Variants in RP1 observed in about 807,000 individuals in gnomAD.
RP1 encodes the protein oxygen-regulated protein 1.
RP1 carries 16 observed loss-of-function variants against 14.8 expected under a neutral mutation model. The ratio of observed to expected loss-of-function variants is 1.08; its 90% CI spans 0.73 to 1.65. RP1 has a LOEUF of 1.65. Ranked by LOEUF, RP1 falls within the 40% of genes most tolerant of loss-of-function variation. The pLI is 0.00. For synonymous variants in RP1, 876 were observed against 883.6 expected (o/e 0.99, Z 0.15); for missense variants, 2,631 against 2,535.0 (o/e 1.04, Z -0.81).
intron 5 of RP1, among the ~76,000 whole-genome samples, chr8:54,653,143 C>A (rs1806690021): frequency 6.6e-6 from 1 of 152,078 alleles, no homozygotes; most frequent in African/African-American, 2.4e-5. Flanking sequence ...AGTTGCACTG[C>A]TGATAAAAAG....
At chr8:54,685,766 T>C (rs1374823835) in intron 12 of RP1, among the ~76,000 whole-genome samples, 2 of 152,200 alleles carry the variant, frequency 1.3e-5, no homozygotes, top group African/African-American at 2.4e-5. Flanking sequence ...GCCAAAAGAC[T>C]GGACACCCCT....
At chr8:54,726,646 T>G (rs1808662278) in intron 17 of RP1, among the ~76,000 whole-genome samples, 2 of 152,026 alleles carry the variant, frequency 1.3e-5, no homozygotes, top group African/African-American at 4.8e-5. Context: ...TTTTATATTA[T>G]AAAGAATACA....
chr8:54,868,326 T>G (rs1812503540), intron 28 of RP1, among the ~76,000 whole-genome samples: 1 of 152,218 alleles, frequency 6.6e-6, no homozygotes, highest in Admixed American at 6.5e-5. Context: ...TATGGAATGA[T>G]ATGCACACTG....
chr8:54,578,720 T>C (rs2129295631), intron 1 of RP1, among the ~76,000 whole-genome samples: 1 of 152,330 alleles, frequency 6.6e-6, no homozygotes, highest in South Asian at 2.1e-4. Flanking sequence ...CTGTGTTCTT[T>C]TGTTTAGTTA....
chr8:54,582,852 A>G (rs1285323428), intron 1 of RP1, among the ~76,000 whole-genome samples: 4 of 152,288 alleles, frequency 2.6e-5, no homozygotes, highest in Non-Finnish European at 4.4e-5. Context: ...TTGATTTTGT[A>G]TCCTGAGACT....
At chr8:54,838,185 G>A (rs543359092) in intron 25 of RP1, among the ~76,000 whole-genome samples, 3 of 152,332 alleles carry the variant, frequency 2.0e-5, no homozygotes, top group African/African-American at 7.2e-5. Context: ...TACCCATTTA[G>A]ATGTGACTTT....
At chr8:54,783,932 CA>C (rs750842179) in intron 24 of RP1, among the ~76,000 whole-genome samples, 44 of 152,068 alleles carry the variant, frequency 2.9e-4, no homozygotes, top group Middle Eastern at 3.4e-3. Context: ...TGTATAAAGG[CA>C]AAAAACTACA....
intron 16 of RP1, among the ~76,000 whole-genome samples, chr8:54,725,482 T>C (rs1223737825): frequency 2.0e-5 from 3 of 152,186 alleles, no homozygotes; most frequent in Admixed American, 2.0e-4. Flanking sequence ...GCCACCAGTA[T>C]TGTATAGTCT....
intron 24 of RP1, among the ~76,000 whole-genome samples, chr8:54,797,391 T>C (rs1166828181): frequency 6.6e-6 from 1 of 152,128 alleles, no homozygotes; most frequent in Non-Finnish European, 1.5e-5. Flanking sequence ...GAAATGTGAA[T>C]TTGTTCCAAC....
At position 54,831,469 on chromosome 8, in the gene RP1, TG is replaced by T. The variant is rs199793002; in HGVS notation, c.3616-5980del. ...TGGCTTATTACCTGTGCCTGTTTTT[TG>T]TTTTTGGTGGTTTTTGTACACATTA... On this transcript the variant is annotated intron_variant, in intron 24 of 28. Transcript: ENST00000637698. 7.3e-3 allele frequency among the ~76,000 whole-genome samples: 1,100 copies of T among 150,542 alleles called. 22 individuals carry two copies. The highest frequency in any genetic ancestry group is 0.025 in the African/African-American group (1,037 of 41,164).
intron 25 of RP1, among the ~76,000 whole-genome samples, chr8:54,845,944 A>T (rs1391460): frequency 0.3 from 45,083 of 152,098 alleles, 6,962 homozygotes; most frequent in South Asian, 0.37. Context: ...CACATATAGA[A>T]GTCTGATAGG....
chr8:54,710,660 C>A (rs1366370039), intron 15 of RP1, among the ~76,000 whole-genome samples: 2 of 152,108 alleles, frequency 1.3e-5, no homozygotes, highest in Non-Finnish European at 2.9e-5. Context: ...TCGCTGTCAG[C>A]GGAGAGGGGA....
intron 1 of RP1, chr8:54,560,730 A>G (rs2129289800): frequency 6.6e-6 from 1 of 152,080 alleles, no homozygotes; most frequent in East Asian, 1.9e-4. Context: ...GTAAGGCCAC[A>G]ACACACAGTG....
intron 12 of RP1, chr8:54,697,089 C>G (rs776838589): frequency 6.0e-5 from 95 of 1,571,190 alleles, no homozygotes; most frequent in Non-Finnish European, 7.8e-5. Flanking sequence ...ATGGGCACAC[C>G]TGGCTATCGG....
At chr8:54,734,446 C>T (rs1395785247) in intron 17 of RP1, 2 of 1,167,536 alleles carry the variant, frequency 1.7e-6, no homozygotes, top group Non-Finnish European at 2.4e-6. Flanking sequence ...CTTCACCCTA[C>T]CCTGCCCAGT....
chr8:54,590,842 T>G (rs2129300800), intron 1 of RP1, among the ~76,000 whole-genome samples: 1 of 152,286 alleles, frequency 6.6e-6, no homozygotes, highest in East Asian at 1.9e-4. Flanking sequence ...CACAAGTATC[T>G]CAAACATAAC....
At chr8:54,697,860 C>T (rs1434251331) in intron 12 of RP1, among the ~76,000 whole-genome samples, 2 of 152,172 alleles carry the variant, frequency 1.3e-5, no homozygotes, top group African/African-American at 4.8e-5. Flanking sequence ...GAAACTGGAT[C>T]CCTTCATTAC....
intron 4 of RP1, chr8:54,649,155 A>C (rs1216384749): frequency 4.7e-6 from 7 of 1,475,290 alleles, no homozygotes; most frequent in Non-Finnish European, 6.2e-6. Context: ...TACTGTAAGT[A>C]ATAAAACTGA....
chr8:54,827,340 T>G (rs947793820), intron 24 of RP1, among the ~76,000 whole-genome samples: 28 of 152,100 alleles, frequency 1.8e-4, no homozygotes, highest in Non-Finnish European at 4.4e-5. Context: ...ATTTTTTTTT[T>G]TTTTTAGACA....
Sources: allele counts gnomAD v4.1 joint callset (sites outside exome capture counted in the v4.1 genomes callset), GRCh38; gene constraint gnomAD v4.1.1; transcripts MANE v1.5; gene names NCBI Gene and HGNC (gene_info 2026-07-23, HGNC 2026-07-21).